Variants in FASTKD2 observed in about 807,000 individuals in gnomAD.
FASTKD2 encodes FAST kinase domain-containing protein 2, mitochondrial.
In FASTKD2, 51 loss-of-function variants were observed where a neutral mutation model predicts 63.6. That is an observed-to-expected ratio of 0.80 (90% CI 0.64 to 1.01). FASTKD2 has a LOEUF of 1.01. FASTKD2 is among the 50% of genes least tolerant of loss of function. The pLI is 0.00. For missense variants in FASTKD2, 786 were observed against 831.1 expected (o/e 0.95, Z 0.67); for synonymous variants, 284 against 293.4 (o/e 0.97, Z 0.33).
At chr2:206,773,820 T>C (rs959955247) in intron 6 of FASTKD2, among the ~76,000 whole-genome samples, 5 of 152,174 alleles carry the variant, frequency 3.3e-5, no homozygotes, top group African/African-American at 4.8e-5. Flanking sequence ...CATGTTAGAA[T>C]CTAGGAAGTA....
chr2:206,781,757 G>A (rs1291983708), intron 7 of FASTKD2, among the ~76,000 whole-genome samples: 2 of 148,458 alleles, frequency 1.3e-5, no homozygotes, highest in African/African-American at 5.0e-5. Flanking sequence ...GGACATAGAT[G>A]CTCCTCTCCT....
intron 8 of FASTKD2, 101 bp downstream of exon 8, chr2:206,787,000 G>A: frequency 1.3e-6 from 1 of 775,292 alleles, no homozygotes; most frequent in Non-Finnish European, 2.2e-6. Flanking sequence ...AGCAGTGTTA[G>A]TTGAAATTTG....
At chr2:206,768,828 T>C (rs367954722) in intron 2 of FASTKD2, among the ~76,000 whole-genome samples, 129 of 152,384 alleles carry the variant, frequency 8.5e-4, no homozygotes, top group African/African-American at 2.6e-3. Flanking sequence ...TTTACATTAC[T>C]GTGATTTCCA....
intron 7 of FASTKD2, among the ~76,000 whole-genome samples, chr2:206,785,414 T>C (rs1690113840): frequency 6.6e-6 from 1 of 152,034 alleles, no homozygotes; most frequent in Admixed American, 6.5e-5. Flanking sequence ...TCTTAAAAGA[T>C]GGAGAGATGG....
intron 3 of FASTKD2, 56 bp downstream of exon 3, chr2:206,770,250 G>A: frequency 8.7e-7 from 1 of 1,148,188 alleles, no homozygotes; most frequent in Non-Finnish European, 1.3e-6. Flanking sequence ...CATATATCTG[G>A]AATAAAAAAA....
chr2:206,769,895 T>TATCA (rs949125013), intron 2 of FASTKD2, among the ~76,000 whole-genome samples, 196 bp from the exon 3 acceptor site: 13 of 152,226 alleles, frequency 8.5e-5, no homozygotes, highest in African/African-American at 3.1e-4. Flanking sequence ...AAAGGATGTG[T>TATCA]ATCAGTCAGC....
chr2:206,788,990 TAA>T (rs746027384), intron 10 of FASTKD2, 87 bp downstream of exon 10: 1 of 759,232 alleles, frequency 1.3e-6, no homozygotes, highest in South Asian at 1.4e-5. Flanking sequence ...GTAGTAAATC[TAA>T]GACTTGATGT....
chr2:206,791,953 T>C lies in FASTKD2; in HGVS notation c.*151T>C, dbSNP rs534230197. ...AAATTAATTTTAGGAGTGGAAGAAA[T>C]GTTGTTACTGCCATTTAAAAATATG... is the stretch of plus-strand genomic sequence containing the variant. On this transcript the variant is annotated 3_prime_UTR_variant, in exon 12 of 12. Coordinates refer to ENST00000402774, the MANE Select transcript of FASTKD2 (RefSeq NM_001136193.2). 3 of 686,340 alleles carry C rather than the reference T, an allele frequency of 4.4e-6. No individual in the cohort carries two copies. The highest frequency in any genetic ancestry group is 5.5e-5 in the East Asian group (2 of 36,500). The allele number at this position is 686,340 out of a possible 1,614,324, so 42.5% of individuals were successfully genotyped here. A position where few individuals can be genotyped will look rare whatever the true frequency, so the allele number is the denominator to read the frequency against.
At chr2:206,790,473 G>T in intron 10 of FASTKD2, 99 bp from the exon 11 acceptor site, 1 of 787,038 alleles carries the variant, frequency 1.3e-6, no homozygotes, top group Non-Finnish European at 2.3e-6. Context: ...ATTGTGGTCG[G>T]TGGAGAGCTC....
rs547846330 is a variant in FASTKD2 at position 206,793,908 on chromosome 2, GT to G, written c.*2114del. 3.0e-4 allele frequency among the ~76,000 whole-genome samples: 45 copies of G among 152,104 alleles called. No individual in the cohort carries two copies. The South Asian group carries it at 8.7e-3, about 29-fold the overall frequency. On this transcript the variant is annotated 3_prime_UTR_variant, in exon 12 of 12. Coordinates refer to ENST00000402774, the MANE Select transcript of FASTKD2 (RefSeq NM_001136193.2). ...GATGGTTTTGCCTTTCAAATTAGCA[GT>G]TTTTTTTCTTTTAAGAATTACAGTG... is the stretch of plus-strand genomic sequence containing the variant.
chr2:206,788,275 G>T, intron 9 of FASTKD2, 120 bp downstream of exon 9: 1 of 655,324 alleles, frequency 1.5e-6, no homozygotes, highest in Non-Finnish European at 2.7e-6. Context: ...TCTGGAACTG[G>T]CCTGATTCTT....
rs539471863 is a variant in FASTKD2, at chr2:206,795,401, T to A, written c.*3599T>A. 6.6e-6 allele frequency among the ~76,000 whole-genome samples: 1 copy of A among 152,290 alleles called. No homozygotes were observed. The highest frequency in any genetic ancestry group is 6.5e-5 in the Admixed American group (1 of 15,304). ...GGTGCCCACCTCCATGCCCGGCTAA[T>A]TTTTGTATTTTTAGCAGAAACAGGG... On this transcript the variant is annotated 3_prime_UTR_variant, in exon 12 of 12. Coordinates refer to ENST00000402774, the MANE Select transcript of FASTKD2 (RefSeq NM_001136193.2).
At chr2:206,788,967 A>C (rs753569427) in intron 10 of FASTKD2, 64 bp downstream of exon 10, 1 of 855,288 alleles carries the variant, frequency 1.2e-6, no homozygotes, top group African/African-American at 1.6e-5. Context: ...AAAAGACTTC[A>C]TATTAAATAG....
chr2:206,784,632 G>A (rs921228540), intron 7 of FASTKD2, among the ~76,000 whole-genome samples: 2 of 152,104 alleles, frequency 1.3e-5, no homozygotes, highest in African/African-American at 4.8e-5. Context: ...TCATTAGTGT[G>A]CTCCTTAACT....
chr2:206,770,947 TCTC>T (rs1276497953), intron 3 of FASTKD2, among the ~76,000 whole-genome samples: 2 of 152,098 alleles, frequency 1.3e-5, no homozygotes, highest in Non-Finnish European at 2.9e-5. Context: ...GTTACTATAA[TCTC>T]CTGACATAAT....
rs774329789 is a variant in FASTKD2 at position 206,771,919 on chromosome 2, G to A, written c.1016G>A (p.Arg339Lys). Residue 339 changes from arginine (R) to lysine (K), a missense_variant, in exon 5 of 12, where the codon AGA (arginine) becomes AAA (lysine). Arg to Lys is a conservative substitution (Grantham distance 26). Transcript: ENST00000402774. ...LEMKALRELD[R>K]FSVLNSQHMF... ...ATGAAAGCCTTGAGGGAATTAGACA[G>A]ATTTTCTGTTTTGAATAGCCAACAC... The A allele has an allele frequency of 3.1e-6, 5 of 1,607,924 alleles. No individual in the cohort carries two copies. In the Admixed American group the frequency reaches 5.0e-5, roughly 16 times the overall value.
intron 11 of FASTKD2, 42 bp from the exon 12 acceptor site, chr2:206,791,641 T>G: frequency 6.3e-7 from 1 of 1,594,170 alleles, no homozygotes; most frequent in Non-Finnish European, 8.6e-7. Flanking sequence ...CTTTTGTTAG[T>G]ATCGTCTCAC....
At position 206,795,572 on chromosome 2, in the gene FASTKD2, GCA is replaced by G. The variant is rs1425610134; in HGVS notation, c.*3775_*3776del. On this transcript the variant is annotated 3_prime_UTR_variant, in exon 12 of 12. Coordinates refer to ENST00000402774, the MANE Select transcript of FASTKD2 (RefSeq NM_001136193.2). The stretch of plus-strand genomic sequence containing the variant: ...CTTAACACACTTGTAACCCATTTGT[GCA>G]CACAGGTGTGCCGTGACTCACTGGT... Among the ~76,000 whole-genome samples the G allele has an allele frequency of 1.3e-5, 2 of 152,082 alleles. No homozygotes were observed. The highest frequency in any genetic ancestry group is 1.5e-5 in the Non-Finnish European group (1 of 68,002).
intron 8 of FASTKD2, 79 bp downstream of exon 8, chr2:206,786,978 G>C: frequency 1.1e-6 from 1 of 884,886 alleles, no homozygotes; most frequent in South Asian, 1.4e-5. Context: ...CTCTGAATGG[G>C]GTCTTAGTTG....
Sources: gnomAD v4.1 joint callset for allele counts (sites outside exome capture counted in the v4.1 genomes callset) on GRCh38, gnomAD v4.1.1 for gene constraint, MANE v1.5 for transcripts, NCBI Gene and HGNC (gene_info 2026-07-23, HGNC 2026-07-21) for gene names.